NEK10: variants seen among roughly 807,000 people sequenced by gnomAD.
The protein encoded by NEK10 is serine/threonine-protein kinase Nek10.
In NEK10, 122 loss-of-function variants were observed where a neutral mutation model predicts 159.8. That is an observed-to-expected ratio of 0.76 (90% CI 0.66 to 0.89). NEK10 has a LOEUF of 0.89. Ranked by LOEUF, NEK10 falls within the 40% of genes least tolerant of loss-of-function variation. NEK10 has a pLI of 0.00. For synonymous variants in NEK10, 466 were observed against 457.1 expected, an observed-to-expected ratio of 1.02 and a Z score of -0.25; for missense variants, 1,342 against 1,323.1, an observed-to-expected ratio of 1.01 and a Z score of -0.22.
At chr3:27,112,428 A>G (rs1404443958) in intron 35 of NEK10, among the ~76,000 whole-genome samples, 5 of 152,248 alleles carry the variant, frequency 3.3e-5, no homozygotes, top group Non-Finnish European at 5.9e-5. Context: ...TTATATATGT[A>G]ACTTTCTCAG....
chr3:27,185,992 A>T (rs1318810961), intron 26 of NEK10, among the ~76,000 whole-genome samples: 1 of 152,262 alleles, frequency 6.6e-6, no homozygotes, highest in East Asian at 1.9e-4. Context: ...GATTTCAGAG[A>T]GAGTGAATTG....
intron 30 of NEK10, among the ~76,000 whole-genome samples, chr3:27,157,983 T>C (rs1289747255): frequency 2.0e-5 from 3 of 152,216 alleles, no homozygotes; most frequent in Non-Finnish European, 2.9e-5. Flanking sequence ...TATATATTTT[T>C]AGACATAATA....
At chr3:27,200,055 C>T (rs1188569421) in intron 25 of NEK10, among the ~76,000 whole-genome samples, 2 of 151,952 alleles carry the variant, frequency 1.3e-5, no homozygotes, top group African/African-American at 2.4e-5. Flanking sequence ...CAACAAACCC[C>T]CATGACACAA....
Position 27,291,272 on chromosome 3 carries a change from C to T in NEK10, c.1595G>A (p.Cys532Tyr), listed in dbSNP as rs547879901. 5.0e-5 allele frequency: 81 copies of T among 1,612,608 alleles called. No homozygotes were observed. In the Admixed American group the frequency reaches 8.2e-4, roughly 16 times the overall value. ...CAAGGGGAAAGTCACCTTGTAAACA[C>T]AGCCAAAAGCTCCACTTCCAAGATG... ...LDHLGSGAFGCVYKVRKHSGQ... is the reference protein window; with the variant it reads ...LDHLGSGAFGYVYKVRKHSGQ... The change falls in exon 18 of 36, where the codon TGT becomes TAT. Residue 532 changes from cysteine to tyrosine, a missense_variant. Physicochemically the swap from Cys to Tyr is radical, Grantham distance 194. Coordinates refer to ENST00000691995, the MANE Select transcript of NEK10 (RefSeq NM_001394966.1).
chr3:27,298,892 G>T (rs2043580029), intron 13 of NEK10, among the ~76,000 whole-genome samples: 1 of 152,136 alleles, frequency 6.6e-6, no homozygotes, highest in South Asian at 2.1e-4. Context: ...AAATTTCTAA[G>T]CAGCAAAGCA....
chr3:27,282,810 T>G (rs1322253045), intron 22 of NEK10, among the ~76,000 whole-genome samples: 1 of 150,684 alleles, frequency 6.6e-6, no homozygotes, highest in Admixed American at 6.6e-5. Flanking sequence ...CTTATTAACT[T>G]ATAAATTGAC....
rs756585907 is a variant in NEK10 at position 27,152,551 on chromosome 3, A to G, written c.2869+10150T>C. On this transcript the variant is annotated intron_variant, in intron 30 of 35. Coordinates refer to ENST00000691995, the MANE Select transcript of NEK10 (RefSeq NM_001394966.1). Reference sequence around the variant, plus strand: ...TCAAAACAGCACCTACTTAAAGCATATATCAAACCCTCTAAAACAAAAATA... The same window carrying G: ...TCAAAACAGCACCTACTTAAAGCATGTATCAAACCCTCTAAAACAAAAATA... 4.1e-4 allele frequency among the ~76,000 whole-genome samples: 62 copies of G among 152,164 alleles called. 1 individual carries two copies. The highest frequency in any genetic ancestry group is 4.6e-4 in the Admixed American group (7 of 15,268).
intron 1 of NEK10, among the ~76,000 whole-genome samples, chr3:27,364,419 G>C (rs1449982527): frequency 1.4e-5 from 2 of 146,972 alleles, no homozygotes; most frequent in Non-Finnish European, 3.0e-5. Context: ...GTAGAGACGG[G>C]GTTTCACCAT....
intron 30 of NEK10, among the ~76,000 whole-genome samples, chr3:27,157,488 T>C (rs528323980): frequency 3.3e-5 from 5 of 152,270 alleles, no homozygotes; most frequent in Non-Finnish European, 7.4e-5. Flanking sequence ...AGACTGAAGA[T>C]GTGACTGAAT....
At chr3:27,209,186 C>T (rs888220511) in intron 23 of NEK10, among the ~76,000 whole-genome samples, 12 of 152,222 alleles carry the variant, frequency 7.9e-5, no homozygotes, top group East Asian at 1.9e-4. Context: ...ATACAGTAAA[C>T]GGGACATAAA....
intron 1 of NEK10, among the ~76,000 whole-genome samples, chr3:27,359,619 T>C (rs2048544089): frequency 6.6e-6 from 1 of 152,200 alleles, no homozygotes; most frequent in Non-Finnish European, 1.5e-5. Context: ...AAAAGTCACA[T>C]AGAGCAGCCA....
chr3:27,279,993 C>A (rs1023542553), intron 22 of NEK10, among the ~76,000 whole-genome samples: 3 of 151,314 alleles, frequency 2.0e-5, no homozygotes, highest in Admixed American at 1.3e-4. Context: ...CATGGTGAAA[C>A]CCCGTCTCTC....
chr3:27,180,318 A>T (rs570957499), intron 26 of NEK10, among the ~76,000 whole-genome samples: 1 of 149,060 alleles, frequency 6.7e-6, no homozygotes, highest in African/African-American at 2.5e-5. Context: ...TCACTTGAAC[A>T]TGGGAGGTGG....
At chr3:27,150,302 T>C (rs1055017008) in intron 30 of NEK10, among the ~76,000 whole-genome samples, 1 of 152,218 alleles carries the variant, frequency 6.6e-6, no homozygotes, top group Non-Finnish European at 1.5e-5. Flanking sequence ...CAAAACAGCC[T>C]TTTATTGCAA....
chr3:27,294,650 C>T (rs568819135), intron 15 of NEK10, among the ~76,000 whole-genome samples: 146 of 152,254 alleles, frequency 9.6e-4, no homozygotes, highest in African/African-American at 3.2e-3. Context: ...AAAACCCCTG[C>T]CTGCCAGCAC....
intron 12 of NEK10, among the ~76,000 whole-genome samples, chr3:27,304,460 A>G (rs1187497967): frequency 6.6e-6 from 1 of 152,200 alleles, no homozygotes; most frequent in Non-Finnish European, 1.5e-5. Flanking sequence ...TTCAGCCTTC[A>G]TTATATTTGC....
chr3:27,358,014 G>GA (rs1476253423), intron 1 of NEK10, among the ~76,000 whole-genome samples: 3 of 152,196 alleles, frequency 2.0e-5, no homozygotes, highest in Non-Finnish European at 2.9e-5. Flanking sequence ...AATAAAAATA[G>GA]AAAACCACTG....
intron 30 of NEK10, among the ~76,000 whole-genome samples, chr3:27,157,136 T>C (rs141097558): frequency 1.9e-4 from 29 of 151,010 alleles, no homozygotes; most frequent in African/African-American, 6.8e-4. Flanking sequence ...GCTATAAGGA[T>C]GCAAAGGCAT....
intron 35 of NEK10, among the ~76,000 whole-genome samples, chr3:27,113,302 G>A (rs1244362545): frequency 6.6e-6 from 1 of 151,698 alleles, no homozygotes; most frequent in Non-Finnish European, 1.5e-5. Flanking sequence ...GTGGTGGTGG[G>A]CGCCTATAAT....
Sources: allele counts gnomAD v4.1 joint callset (sites outside exome capture counted in the v4.1 genomes callset), GRCh38; gene constraint gnomAD v4.1.1; transcripts MANE v1.5; gene names NCBI Gene and HGNC (gene_info 2026-07-23, HGNC 2026-07-21).